Variants in MYH13 observed in about 807,000 individuals in gnomAD.
MYH13 encodes myosin heavy chain 13.
A neutral mutation model predicts 232.1 loss-of-function variants in MYH13; 177 were observed. The ratio of observed to expected loss-of-function variants is 0.76; its 90% CI spans 0.67 to 0.86. The LOEUF is 0.86. Among genes scored for constraint, MYH13 ranks in the 40% least tolerant of loss-of-function variants. The pLI, the probability that MYH13 is intolerant of heterozygous loss-of-function variation, is 0.00. For synonymous variants in MYH13, 884 were observed against 923.5 expected (o/e 0.96, Z 0.78); for missense variants, 2,246 against 2,405.9 (o/e 0.93, Z 1.39).
chr17:10,367,835 C>G (rs1400997833), intron 2 of MYH13, among the ~76,000 whole-genome samples: 2 of 152,068 alleles, frequency 1.3e-5, no homozygotes, highest in Non-Finnish European at 1.5e-5. Flanking sequence ...AAATATTTAG[C>G]TATGTAATTC....
At chr17:10,307,100 T>C (rs1205206648) in intron 35 of MYH13, 36 bp from the exon 36 acceptor site, 1 of 1,599,012 alleles carries the variant, frequency 6.3e-7, no homozygotes, top group East Asian at 2.2e-5. Flanking sequence ...GTGTGGGTTC[T>C]ATTGGGGCGC....
At chr17:10,319,481 C>T (rs529234918) in intron 26 of MYH13, among the ~76,000 whole-genome samples, 4 of 147,558 alleles carry the variant, frequency 2.7e-5, no homozygotes, top group East Asian at 2.0e-4. Context: ...TGTGCTCCAG[C>T]CTGGGTGACA....
intron 27 of MYH13, 94 bp downstream of exon 27, chr17:10,318,696 G>A: frequency 6.7e-7 from 1 of 1,485,272 alleles, no homozygotes; most frequent in East Asian, 2.3e-5. Context: ...TGTAGAACAT[G>A]CAGTGGTTTG....
intron 3 of MYH13, among the ~76,000 whole-genome samples, 175 bp from the exon 4 acceptor site, chr17:10,362,678 A>G (rs1285643206): frequency 6.6e-6 from 1 of 152,198 alleles, no homozygotes; most frequent in Non-Finnish European, 1.5e-5. Flanking sequence ...TTCTTGAAGA[A>G]TCTGATTCTG....
rs1169115441 is a variant in MYH13 at position 10,321,625 on chromosome 17, G to A, written c.3018C>T (p.Ala1006=). ...LTKEKKSLQE[A]HQQTLDDLQV... ...GAAGATCATCCAGTGTTTGCTGATG[G>A]GCCTCCTGTAGAGATTTCTTTTCTT... Residue 1006 remains alanine, a synonymous_variant, in exon 24 of 41, where the codon GCC becomes GCT. Transcript: ENST00000252172. 1 of 1,613,292 alleles carries A rather than the reference G, an allele frequency of 6.2e-7. No homozygotes were observed. The highest frequency in any genetic ancestry group is 1.7e-5 in the Admixed American group (1 of 60,008).
At chr17:10,351,998 A>G (rs1055666159) in intron 11 of MYH13, among the ~76,000 whole-genome samples, 1 of 152,170 alleles carries the variant, frequency 6.6e-6, no homozygotes, top group African/African-American at 2.4e-5. Context: ...GAGCTGGGAT[A>G]TATGGGGAGG....
At position 10,350,606 on chromosome 17, in the gene MYH13, T is replaced by G; in HGVS notation, c.1094A>C (p.Lys365Thr). 1 of 1,613,786 alleles carries G rather than the reference T, an allele frequency of 6.2e-7. No individual in the cohort carries two copies. Among genetic ancestry groups the G allele is most frequent in the Non-Finnish European group, 8.5e-7 (1 of 1,179,968 alleles). The change falls in exon 12 of 41, where the codon AAG becomes ACG. Residue 365 changes from lysine to threonine, a missense_variant. Physicochemically the swap from Lys to Thr is moderately conservative, Grantham distance 78 (BLOSUM62 -1). Coordinates refer to ENST00000252172, the MANE Select transcript of MYH13 (RefSeq NM_003802.3). Reference sequence around the variant, plus strand: ...CTCCTCACGCTGCTTCTGCTTGAACTTCATGTTCCCATAATGCATCACGGC... The same window carrying G: ...CTCCTCACGCTGCTTCTGCTTGAACGTCATGTTCCCATAATGCATCACGGC... ...TGAVMHYGNM[K>T]FKQKQREEQA...
At chr17:10,302,151 T>G (rs2142212863) in intron 39 of MYH13, among the ~76,000 whole-genome samples, 1 of 152,300 alleles carries the variant, frequency 6.6e-6, no homozygotes. Context: ...AATGTCCTCC[T>G]GGGCACCCTC....
chr17:10,347,360 C>T (rs921282404), intron 12 of MYH13, among the ~76,000 whole-genome samples: 3 of 151,398 alleles, frequency 2.0e-5, no homozygotes, highest in South Asian at 2.1e-4. Flanking sequence ...AGCAAGACTC[C>T]GACTCAAAAA....
chr17:10,323,726 C>T (rs1021627184), intron 23 of MYH13, among the ~76,000 whole-genome samples: 2 of 131,024 alleles, frequency 1.5e-5, no homozygotes, highest in Admixed American at 8.9e-5. Flanking sequence ...ACCACTGTAG[C>T]GAGATCTGCC....
chr17:10,358,708 G>T (rs1052643664), intron 7 of MYH13, among the ~76,000 whole-genome samples: 17 of 151,884 alleles, frequency 1.1e-4, no homozygotes, highest in Non-Finnish European at 2.5e-4. Flanking sequence ...GAGCTATGAT[G>T]GTGTGCCACT....
In MYH13 at chr17:10,362,416, G is replaced by T. The variant is rs781116210; in HGVS notation, c.292C>A (p.His98Asn). Residue 98 changes from histidine to asparagine, a missense_variant, in exon 4 of 41, where the codon CAT (histidine) becomes AAT (asparagine). By Grantham distance (68) the His-to-Asn change is moderately conservative. Transcript: ENST00000252172. Reference protein sequence around the residue: ...IEDMAMMTHLHEPAVLYNLKE... With the variant: ...IEDMAMMTHLNEPAVLYNLKE... ...AGGTTGTACAGAACAGCAGGTTCAT[G>T]CAGGTGAGTCATCATGGCCATGTCC... 1.2e-6 allele frequency: 2 copies of T among 1,614,090 alleles called. No homozygotes were observed. Among genetic ancestry groups the T allele is most frequent in the Non-Finnish European group, 8.5e-7 (1 of 1,180,034 alleles).
chr17:10,303,315 G>A (rs918328798), intron 38 of MYH13, 24 bp from the exon 39 acceptor site: 5 of 1,613,642 alleles, frequency 3.1e-6, no homozygotes, highest in Non-Finnish European at 4.2e-6. Context: ...ACACGTGGCA[G>A]GGGCCCGCAA....
chr17:10,330,440 C>A lies in MYH13; in HGVS notation c.2382G>T (p.Ala794=). ...KLVTLMTSTQ[A]VCRGYLMRVE... is the part of the protein sequence containing the mutation. ...CCCGCATCAGGTACCCCCTGCACAC[C>A]GCCTGCGTGCTTGTCATCAGCGTCA... Residue 794 remains alanine (A), a synonymous_variant, in exon 21 of 41, where the codon GCG becomes GCT. Coordinates refer to ENST00000252172, the MANE Select transcript of MYH13 (RefSeq NM_003802.3). 1 of 1,613,494 alleles carries A rather than the reference C, an allele frequency of 6.2e-7. No individual in the cohort carries two copies. The highest frequency in any genetic ancestry group is 8.5e-7 in the Non-Finnish European group (1 of 1,179,808).
chr17:10,360,253 A>T, intron 5 of MYH13, 65 bp from the exon 6 acceptor site: 1 of 1,555,938 alleles, frequency 6.4e-7, no homozygotes, highest in Non-Finnish European at 8.7e-7. Flanking sequence ...AAATAAAGTA[A>T]CATTGGGGGT....
At chr17:10,346,655 A>G in intron 13 of MYH13, 25 bp downstream of exon 13, 17 of 1,555,878 alleles carry the variant, frequency 1.1e-5, no homozygotes, top group Non-Finnish European at 1.5e-5. Flanking sequence ...ATCTCAATCA[A>G]CTGGATTCAG....
At chr17:10,314,780 G>T (rs1163634619) in intron 29 of MYH13, among the ~76,000 whole-genome samples, 4 of 152,206 alleles carry the variant, frequency 2.6e-5, no homozygotes, top group Non-Finnish European at 5.9e-5. Context: ...GCAGCACCAA[G>T]TACCTACTGT....
At chr17:10,310,867 G>A (rs1397820062) in intron 33 of MYH13, among the ~76,000 whole-genome samples, 2 of 152,238 alleles carry the variant, frequency 1.3e-5, no homozygotes, top group Non-Finnish European at 2.9e-5. Flanking sequence ...CTGAGAGGAA[G>A]ACATTGAAGA....
chr17:10,357,629 A>G (rs2071758837), intron 8 of MYH13, 106 bp downstream of exon 8: 2 of 948,144 alleles, frequency 2.1e-6, no homozygotes, highest in Admixed American at 4.4e-5. Flanking sequence ...TTGGGGGTAG[A>G]AAAAGGCCCC....
Sources: gnomAD v4.1 joint callset for allele counts (sites outside exome capture counted in the v4.1 genomes callset) on GRCh38, gnomAD v4.1.1 for gene constraint, MANE v1.5 for transcripts, NCBI Gene and HGNC (gene_info 2026-07-23, HGNC 2026-07-21) for gene names.